RSRC1: variants seen among roughly 807,000 people sequenced by gnomAD.
RSRC1 encodes serine/Arginine-related protein 53.
Under a neutral mutation model 49.1 loss-of-function variants are expected in RSRC1, and 39 were observed. The observed-to-expected ratio is 0.79, with a 90% CI of 0.61 to 1.04. RSRC1 has a LOEUF of 1.04. Among genes scored for constraint, RSRC1 ranks in the 50% least tolerant of loss-of-function variants. RSRC1 has a pLI of 0.00. For missense variants in RSRC1, 388 were observed against 402.4 expected (o/e 0.96, Z 0.31); for synonymous variants, 143 against 130.8 (o/e 1.09, Z -0.63).
intron 7 of RSRC1, among the ~76,000 whole-genome samples, chr3:158,474,494 G>A (rs1367098210): frequency 2.0e-5 from 3 of 152,148 alleles, no homozygotes; most frequent in Non-Finnish European, 4.4e-5. Flanking sequence ...AGGCTAGAGT[G>A]GCTGTGGCCA....
At chr3:158,524,635 A>C (rs1225060193) in intron 7 of RSRC1, among the ~76,000 whole-genome samples, 1 of 152,034 alleles carries the variant, frequency 6.6e-6, no homozygotes. Flanking sequence ...TGGTGCAGAC[A>C]AAATTGAAAT....
chr3:158,527,618 G>A (rs1441699159), intron 7 of RSRC1, among the ~76,000 whole-genome samples: 1 of 151,814 alleles, frequency 6.6e-6, no homozygotes, highest in Admixed American at 6.6e-5. Flanking sequence ...CTTTAGATAA[G>A]TGGTTTTTCC....
chr3:158,149,903 G>GTT (rs112833865), intron 3 of RSRC1, among the ~76,000 whole-genome samples: 4,502 of 152,082 alleles, frequency 0.03, 225 homozygotes, highest in African/African-American at 0.1. Context: ...ACACAATTTT[G>GTT]TTTTTCAAGT....
chr3:158,389,279 G>C (rs1432461617), intron 6 of RSRC1, among the ~76,000 whole-genome samples: 1 of 152,102 alleles, frequency 6.6e-6, no homozygotes, highest in Non-Finnish European at 1.5e-5. Flanking sequence ...GAATATTAGA[G>C]TAAAACATTA....
intron 3 of RSRC1, among the ~76,000 whole-genome samples, chr3:158,134,379 T>A (rs1386786360): frequency 6.6e-6 from 1 of 152,206 alleles, no homozygotes; most frequent in Non-Finnish European, 1.5e-5. Context: ...CATCTACCTT[T>A]ACAACATGCT....
intron 7 of RSRC1, among the ~76,000 whole-genome samples, chr3:158,512,094 C>G (rs937203318): frequency 1.4e-5 from 2 of 148,122 alleles, no homozygotes; most frequent in Admixed American, 1.4e-4. Context: ...ATGGTAGTTT[C>G]TTTTGCTGTG....
At chr3:158,376,058 C>T in intron 6 of RSRC1, among the ~76,000 whole-genome samples, 1 of 140,664 alleles carries the variant, frequency 7.1e-6, no homozygotes. Context: ...CTGTACAGTT[C>T]CCTCCCTCCC....
At chr3:158,327,654 A>G (rs1213554876) in intron 5 of RSRC1, among the ~76,000 whole-genome samples, 2 of 151,980 alleles carry the variant, frequency 1.3e-5, no homozygotes, top group Non-Finnish European at 2.9e-5. Context: ...ACTTCCAACT[A>G]TGTGGTCAAT....
chr3:158,167,853 G>A (rs1171506994), intron 3 of RSRC1, among the ~76,000 whole-genome samples: 1 of 152,124 alleles, frequency 6.6e-6, no homozygotes, highest in Non-Finnish European at 1.5e-5. Flanking sequence ...GCACATTGGG[G>A]CTTGGCTTCA....
intron 4 of RSRC1, among the ~76,000 whole-genome samples, chr3:158,244,924 A>G (rs1723799695): frequency 6.6e-6 from 1 of 151,296 alleles, no homozygotes; most frequent in Non-Finnish European, 1.5e-5. Context: ...AGGTCTTTAT[A>G]GTATTCTCTG....
intron 6 of RSRC1, among the ~76,000 whole-genome samples, chr3:158,362,805 A>G (rs978556608): frequency 6.6e-6 from 1 of 152,188 alleles, no homozygotes; most frequent in Non-Finnish European, 1.5e-5. Flanking sequence ...CTTATCCCAA[A>G]TGTGTCCATG....
At chr3:158,182,032 G>C (rs570889106) in intron 3 of RSRC1, among the ~76,000 whole-genome samples, 2 of 152,248 alleles carry the variant, frequency 1.3e-5, no homozygotes, top group East Asian at 3.9e-4. Context: ...AGTACAATGG[G>C]AAAAAGAAAT....
chr3:158,229,806 C>G (rs1722851798), intron 4 of RSRC1, among the ~76,000 whole-genome samples: 1 of 151,950 alleles, frequency 6.6e-6, no homozygotes, highest in Admixed American at 6.6e-5. Context: ...GTATATTTGT[C>G]TGAACCAGTG....
At chr3:158,358,613 C>G (rs1731289565) in intron 6 of RSRC1, among the ~76,000 whole-genome samples, 1 of 152,036 alleles carries the variant, frequency 6.6e-6, no homozygotes, top group Non-Finnish European at 1.5e-5. Context: ...ATTTACATAA[C>G]ATAAAATTAA....
intron 5 of RSRC1, among the ~76,000 whole-genome samples, chr3:158,352,397 A>G (rs1730926807): frequency 6.6e-6 from 1 of 152,180 alleles, no homozygotes; most frequent in Non-Finnish European, 1.5e-5. Context: ...GAAAACTGAC[A>G]ATATTGCTAT....
Position 158,254,824 on chromosome 3 carries a change from G to A in RSRC1, c.495-43215G>A, listed in dbSNP as rs143416539. On this transcript the variant is annotated intron_variant, in intron 4 of 9. Transcript: ENST00000611884. Reference sequence around the variant, plus strand: ...TGCATTTCTCTGATGACCAGTGATGGTGAGCATTTTTTCATGTGTCTGTTG... The same window carrying A: ...TGCATTTCTCTGATGACCAGTGATGATGAGCATTTTTTCATGTGTCTGTTG... Among the ~76,000 whole-genome samples, 1,355 of 152,164 alleles carry A rather than the reference G, an allele frequency of 8.9e-3. 22 individuals carry two copies. The highest frequency in any genetic ancestry group is 0.032 in the African/African-American group (1,318 of 41,510).
At chr3:158,439,361 A>G (rs1201165319) in intron 6 of RSRC1, among the ~76,000 whole-genome samples, 2 of 152,162 alleles carry the variant, frequency 1.3e-5, no homozygotes, top group Non-Finnish European at 2.9e-5. Context: ...AGACACATGC[A>G]CACATGTGTT....
At chr3:158,427,811 A>G (rs1161851452) in intron 6 of RSRC1, among the ~76,000 whole-genome samples, 2 of 151,790 alleles carry the variant, frequency 1.3e-5, no homozygotes, top group Admixed American at 6.6e-5. Context: ...TATTGACTAC[A>G]TAATATTTGT....
intron 4 of RSRC1, among the ~76,000 whole-genome samples, chr3:158,211,407 G>A (rs1230173631): frequency 6.6e-6 from 1 of 151,930 alleles, no homozygotes; most frequent in Admixed American, 6.6e-5. Context: ...GTAGCTCAAA[G>A]GATCAGGAGT....
Sources: gnomAD v4.1 joint callset for allele counts (sites outside exome capture counted in the v4.1 genomes callset) on GRCh38, gnomAD v4.1.1 for gene constraint, MANE v1.5 for transcripts, NCBI Gene and HGNC (gene_info 2026-07-23, HGNC 2026-07-21) for gene names.